HAAO: variants seen among roughly 807,000 people sequenced by gnomAD.
HAAO encodes the protein 3-hydroxyanthranilate oxygenase.
Under a neutral mutation model 46.2 loss-of-function variants are expected in HAAO, and 49 were observed. That is an observed-to-expected ratio of 1.06 (90% CI 0.84 to 1.34). HAAO has a LOEUF of 1.34. Ranked by LOEUF, HAAO falls within the 40% of genes most tolerant of loss-of-function variation. The pLI, the probability that HAAO is intolerant of heterozygous loss-of-function variation, is 0.00. For missense variants in HAAO, 408 were observed against 364.5 expected (o/e 1.12, Z -0.97); for synonymous variants, 157 against 145.2 (o/e 1.08, Z -0.58).
intron 4 of HAAO, among the ~76,000 whole-genome samples, chr2:42,776,257 G>C (rs1271613491): frequency 4.8e-5 from 1 of 20,722 alleles, no homozygotes; most frequent in African/African-American, 2.9e-4. Context: ...TTTTTTTTTT[G>C]AGACAGAGTT....
chr2:42,770,091 T>C, intron 6 of HAAO, 52 bp downstream of exon 6: 2 of 1,538,470 alleles, frequency 1.3e-6, no homozygotes, highest in Non-Finnish European at 1.8e-6. Flanking sequence ...AAACCCATCC[T>C]ATTTTGGAAG....
chr2:42,773,504 G>A (rs1671304373), intron 4 of HAAO, among the ~76,000 whole-genome samples: 1 of 151,910 alleles, frequency 6.6e-6, no homozygotes. Flanking sequence ...CCTTGTGAAA[G>A]GAAAATATCT....
At chr2:42,783,484 C>A in intron 3 of HAAO, 64 bp from the exon 4 acceptor site, 1 of 1,067,246 alleles carries the variant, frequency 9.4e-7, no homozygotes. Flanking sequence ...TTAGCGCCCC[C>A]AACATCCTGG....
At chr2:42,780,911 C>CA (rs35424652) in intron 4 of HAAO, among the ~76,000 whole-genome samples, 161 of 130,324 alleles carry the variant, frequency 1.2e-3, no homozygotes, top group African/African-American at 3.2e-3. Flanking sequence ...ACTAAAAATA[C>CA]AAAAAAAAAA....
chr2:42,768,179 G>A (rs1670813318), intron 7 of HAAO, among the ~76,000 whole-genome samples: 1 of 152,226 alleles, frequency 6.6e-6, no homozygotes, highest in Non-Finnish European at 1.5e-5. Context: ...GTGCACCCGT[G>A]GTCCCTCTGA....
intron 1 of HAAO, among the ~76,000 whole-genome samples, chr2:42,792,056 T>A (rs1672846576): frequency 6.6e-6 from 1 of 152,156 alleles, no homozygotes; most frequent in Admixed American, 6.5e-5. Context: ...GGTTGGGGTG[T>A]ATGATTTGGC....
Position 42,788,553 on chromosome 2 carries a change from G to C in HAAO, c.135C>G (p.Asp45Glu), listed in dbSNP as rs565558600. 6.2e-7 allele frequency: 1 copy of C among 1,607,404 alleles called. No individual in the cohort carries two copies. Among genetic ancestry groups the C allele is most frequent in the African/African-American group, 1.3e-5 (1 of 74,926 alleles). The change falls in exon 2 of 10, where the codon GAC (aspartate) becomes GAG (glutamate). Residue 45 changes from aspartate (D) to glutamate (E), a missense_variant. By Grantham distance (45) the Asp-to-Glu change is conservative. Coordinates refer to ENST00000294973, the MANE Select transcript of HAAO (RefSeq NM_012205.3). ...MFIGGPNTRK[D>E]YHIEEGEEVF... ...CCTCTTCACCCTCTTCGATGTGATA[G>C]TCCTTCCTGGTGTTGGGGCCTCCGA...
At chr2:42,767,766 C>G in intron 8 of HAAO, 89 bp from the exon 9 acceptor site, 2 of 1,540,396 alleles carry the variant, frequency 1.3e-6, no homozygotes, top group Non-Finnish European at 1.8e-6. Flanking sequence ...CCCAAGGCCC[C>G]AAGAGTGGGC....
rs566822640 is a variant in HAAO, at chr2:42,771,965, C to T, written c.351-1383G>A. Among the ~76,000 whole-genome samples the T allele has an allele frequency of 1.3e-3, 194 of 152,252 alleles. 1 individual carries two copies. Among genetic ancestry groups the T allele is most frequent in the South Asian group, 0.012 (57 of 4,824 alleles). ...TGGAGTGGCATTTTAATGTTGAGTC[C>T]CTGGCTTTTATTAAAGGTCAAAAGC... On this transcript the variant is annotated intron_variant, in intron 4 of 9. Coordinates refer to ENST00000294973, the MANE Select transcript of HAAO (RefSeq NM_012205.3).
intron 1 of HAAO, among the ~76,000 whole-genome samples, chr2:42,790,175 G>A (rs775058791): frequency 5.9e-5 from 9 of 152,176 alleles, no homozygotes; most frequent in Admixed American, 1.3e-4. Context: ...GAGGCAAGAC[G>A]GAAGAGCCAG....
At chr2:42,785,286 G>T (rs999785021) in intron 2 of HAAO, among the ~76,000 whole-genome samples, 1 of 152,184 alleles carries the variant, frequency 6.6e-6, no homozygotes, top group Non-Finnish European at 1.5e-5. Flanking sequence ...AATTATAGGA[G>T]AAATGTAAAT....
At chr2:42,775,935 AGT>A (rs1671534648) in intron 4 of HAAO, among the ~76,000 whole-genome samples, 1 of 146,474 alleles carries the variant, frequency 6.8e-6, no homozygotes, top group African/African-American at 2.5e-5. Flanking sequence ...TTTAAGGAAG[AGT>A]GTGGTTTTAT....
intron 2 of HAAO, among the ~76,000 whole-genome samples, chr2:42,788,326 C>T (rs1003204939): frequency 5.3e-5 from 8 of 151,578 alleles, no homozygotes; most frequent in African/African-American, 2.0e-4. Context: ...GAGGTGCTAG[C>T]TGTGGAGGCG....
Position 42,769,884 on chromosome 2 carries a change from G to A in HAAO, c.485-26C>T, listed in dbSNP as rs145042976. 7.5e-4 allele frequency: 1,190 copies of A among 1,586,742 alleles called. 10 individuals carry two copies. The highest frequency in any genetic ancestry group is 5.7e-5 in the Non-Finnish European group (67 of 1,166,898). ...CTGCACCCACAGCATGACTATAGTCGGTGTCCTCAGGACCCAGCCCACCCA... is the reference window on the plus strand; with the variant it reads ...CTGCACCCACAGCATGACTATAGTCAGTGTCCTCAGGACCCAGCCCACCCA... On this transcript the variant is annotated intron_variant, in intron 6 of 9. Coordinates refer to ENST00000294973, the MANE Select transcript of HAAO (RefSeq NM_012205.3).
intron 1 of HAAO, among the ~76,000 whole-genome samples, chr2:42,790,126 T>G (rs1174290594): frequency 6.6e-6 from 1 of 152,110 alleles, no homozygotes; most frequent in African/African-American, 2.4e-5. Flanking sequence ...CTGAGTGTCC[T>G]GTCCTGTGGG....
Position 42,771,459 on chromosome 2 carries a change from AAAG to A in HAAO, c.351-880_351-878del, listed in dbSNP as rs1391810801. ...AATAAATAAGTAAAAAAAAAAAAAA[AAAG>A]AAGCCAACACGCAGAAGATGTCCCC... On this transcript the variant is annotated intron_variant, in intron 4 of 9. Coordinates refer to ENST00000294973, the MANE Select transcript of HAAO (RefSeq NM_012205.3). Among the ~76,000 whole-genome samples, 1,464 of 151,490 alleles carry A rather than the reference AAAG, an allele frequency of 9.7e-3. 7 individuals carry two copies. Among genetic ancestry groups the A allele is most frequent in the Middle Eastern group, 0.014 (4 of 292 alleles).
At chr2:42,785,690 A>G (rs1457728465) in intron 2 of HAAO, among the ~76,000 whole-genome samples, 1 of 152,058 alleles carries the variant, frequency 6.6e-6, no homozygotes, top group Non-Finnish European at 1.5e-5. Flanking sequence ...GTGAGACCCC[A>G]TCTCTACAAA....
rs1425805477 is a variant in HAAO at position 42,767,695 on chromosome 2, G to C, written c.700-18C>G. The C allele has an allele frequency of 1.4e-5, 22 of 1,570,954 alleles. No homozygotes were observed. Among genetic ancestry groups the C allele is most frequent in the Non-Finnish European group, 1.9e-5 (22 of 1,154,914 alleles). On this transcript the variant is annotated intron_variant, in intron 8 of 9. Transcript: ENST00000294973. ...GAGCCCTCCTGGAGAAGAGGAGCAG[G>C]AGAATCAAATGGAGACTGTTGGGCC...
intron 4 of HAAO, among the ~76,000 whole-genome samples, chr2:42,774,893 A>C (rs548059820): frequency 6.6e-6 from 1 of 152,188 alleles, no homozygotes; most frequent in East Asian, 1.9e-4. Context: ...AGAAGTTCCA[A>C]ATTATGGGAA....
Sources: gnomAD v4.1 joint callset for allele counts (sites outside exome capture counted in the v4.1 genomes callset) on GRCh38, gnomAD v4.1.1 for gene constraint, MANE v1.5 for transcripts, NCBI Gene and HGNC (gene_info 2026-07-23, HGNC 2026-07-21) for gene names.